Variants in CNTN5 observed in about 807,000 individuals in gnomAD.
CNTN5 encodes the protein contactin 5, also known as contactin-5.
Under a neutral mutation model 129.1 loss-of-function variants are expected in CNTN5, and 77 were observed. The observed-to-expected ratio is 0.60, with a 90% CI of 0.50 to 0.72. The LOEUF (loss-of-function observed/expected upper bound fraction) is 0.72, where lower values mean the gene tolerates loss of function less well. CNTN5 is among the 30% of genes least tolerant of loss of function. The pLI is 0.00. For synonymous variants in CNTN5, 509 were observed against 465.6 expected, an observed-to-expected ratio of 1.09 and a Z score of -1.20; for missense variants, 1,478 against 1,328.8, an observed-to-expected ratio of 1.11 and a Z score of -1.75.
chr11:99,507,270 G>A (rs868484362), intron 2 of CNTN5, among the ~76,000 whole-genome samples: 13 of 151,196 alleles, frequency 8.6e-5, no homozygotes, highest in South Asian at 4.2e-4. Flanking sequence ...CCAGCTACTC[G>A]GGAGGCTGAG....
At chr11:100,056,389 A>G (rs1054516627) in intron 9 of CNTN5, among the ~76,000 whole-genome samples, 1 of 151,622 alleles carries the variant, frequency 6.6e-6, no homozygotes, top group Admixed American at 6.6e-5. Flanking sequence ...ACCATTTGCC[A>G]TTTAGAGGAA....
intron 3 of CNTN5, among the ~76,000 whole-genome samples, chr11:99,809,680 TA>T (rs1278480669): frequency 1.3e-5 from 2 of 152,164 alleles, no homozygotes; most frequent in East Asian, 3.8e-4. Flanking sequence ...AACACATGTT[TA>T]TTTTTAATAT....
At chr11:100,240,499 A>G (rs1409486011) in intron 16 of CNTN5, among the ~76,000 whole-genome samples, 1 of 152,172 alleles carries the variant, frequency 6.6e-6, no homozygotes, top group Non-Finnish European at 1.5e-5. Flanking sequence ...TCCACTATAT[A>G]TCAGTCATTG....
At chr11:99,138,381 G>T (rs1032489265) in intron 1 of CNTN5, among the ~76,000 whole-genome samples, 2 of 152,116 alleles carry the variant, frequency 1.3e-5, no homozygotes, top group Admixed American at 1.3e-4. Context: ...TGATGTACAA[G>T]CATTTGGCAG....
chr11:100,280,016 C>T (rs990557015), intron 18 of CNTN5, among the ~76,000 whole-genome samples: 1 of 148,816 alleles, frequency 6.7e-6, no homozygotes, highest in Non-Finnish European at 1.5e-5. Context: ...ATTCCATTAT[C>T]ATTTGTTTCA....
intron 7 of CNTN5, among the ~76,000 whole-genome samples, chr11:99,925,915 A>G (rs953753485): frequency 2.0e-5 from 3 of 152,148 alleles, no homozygotes; most frequent in Admixed American, 6.5e-5. Flanking sequence ...GCTATATTGT[A>G]CCATCATATT....
chr11:99,453,552 G>A (rs1289861907), intron 2 of CNTN5, among the ~76,000 whole-genome samples: 1 of 152,096 alleles, frequency 6.6e-6, no homozygotes, highest in Non-Finnish European at 1.5e-5. Context: ...ATTTTAATAA[G>A]AGTAACCAAA....
intron 1 of CNTN5, among the ~76,000 whole-genome samples, chr11:99,177,286 T>C (rs2135554822): frequency 6.6e-6 from 1 of 152,302 alleles, no homozygotes; most frequent in East Asian, 1.9e-4. Flanking sequence ...ATGCTATTTA[T>C]TTATTTGTTT....
In CNTN5 at chr11:100,004,112, G is replaced by A. The variant is rs538665110; in HGVS notation, c.980+1976G>A. 6.6e-5 allele frequency: 10 copies of A among 152,260 alleles called. 1 individual carries two copies. The South Asian group carries it at 2.1e-3, about 31-fold the overall frequency. 9.4% of individuals were successfully genotyped at this position (152,260 alleles called of 1,614,324 possible). A position where few individuals can be genotyped will look rare whatever the true frequency, so the allele number is the denominator to read the frequency against. ...TCCGCGTGGCTCCCACAGCTCACTT[G>A]AGCTGCTTCTTACTTCAGCAAGCAC... is the stretch of plus-strand genomic sequence containing the variant. On this transcript the variant is annotated intron_variant, in intron 9 of 24. Coordinates refer to ENST00000524871, the MANE Select transcript of CNTN5 (RefSeq NM_014361.4).
chr11:99,866,038 T>C (rs1948346339), intron 6 of CNTN5, among the ~76,000 whole-genome samples: 1 of 152,200 alleles, frequency 6.6e-6, no homozygotes, highest in Non-Finnish European at 1.5e-5. Context: ...ATTCAGTAAT[T>C]TCACACATTA....
chr11:100,268,829 C>G (rs575987376), intron 17 of CNTN5, among the ~76,000 whole-genome samples: 1 of 152,070 alleles, frequency 6.6e-6, no homozygotes, highest in Non-Finnish European at 1.5e-5. Context: ...GAGTCCAGGA[C>G]GGCCCGAAGA....
At chr11:99,023,437 A>T (rs1591060465) in intron 1 of CNTN5, among the ~76,000 whole-genome samples, 1 of 152,328 alleles carries the variant, frequency 6.6e-6, no homozygotes, top group South Asian at 2.1e-4. Flanking sequence ...AATATGGACC[A>T]GAGGGTGCCA....
Position 99,262,046 on chromosome 11 carries a change from A to G in CNTN5, c.-209-63300A>G, listed in dbSNP as rs145273073. Among the ~76,000 whole-genome samples, 10 of 152,152 alleles carry G rather than the reference A, an allele frequency of 6.6e-5. No homozygotes were observed. In the East Asian group the frequency reaches 1.5e-3, roughly 24 times the overall value. ...CTAATGTGAACCATATGCTTAAACC[A>G]TACTGGTGATCATGTAGTCCCTGAG... On this transcript the variant is annotated intron_variant, in intron 1 of 24. Coordinates refer to ENST00000524871, the MANE Select transcript of CNTN5 (RefSeq NM_014361.4).
intron 3 of CNTN5, among the ~76,000 whole-genome samples, chr11:99,798,186 A>G (rs1435911773): frequency 6.6e-6 from 1 of 152,034 alleles, no homozygotes; most frequent in East Asian, 1.9e-4. Flanking sequence ...TTTGGATCCC[A>G]CTTACAAGTT....
intron 8 of CNTN5, among the ~76,000 whole-genome samples, chr11:99,960,623 A>G (rs1950917772): frequency 6.6e-6 from 1 of 152,204 alleles, no homozygotes; most frequent in African/African-American, 2.4e-5. Context: ...TAACATTAAT[A>G]AGAATGCAGT....
At chr11:99,680,618 G>A (rs1236729182) in intron 3 of CNTN5, among the ~76,000 whole-genome samples, 1 of 151,746 alleles carries the variant, frequency 6.6e-6, no homozygotes, top group East Asian at 2.0e-4. Flanking sequence ...AGATGCACAA[G>A]GTGATGAATT....
chr11:99,453,042 C>T (rs1362802839), intron 2 of CNTN5, among the ~76,000 whole-genome samples: 3 of 152,126 alleles, frequency 2.0e-5, no homozygotes, highest in African/African-American at 7.2e-5. Context: ...TGCTGTTAGT[C>T]ACTTTGTAAG....
chr11:99,259,706 G>A (rs557284724), intron 1 of CNTN5, among the ~76,000 whole-genome samples: 57 of 151,708 alleles, frequency 3.8e-4, no homozygotes, highest in Non-Finnish European at 6.3e-4. Flanking sequence ...GAAATTGAAA[G>A]GAGGTTTACA....
rs1023877702 is a variant in CNTN5 at position 99,253,894 on chromosome 11, C to T, written c.-209-71452C>T. ...ATGAAAATGTATTAACACAAATATA[C>T]GTTTATATATATATATATATATATA... On this transcript the variant is annotated intron_variant, in intron 1 of 24. Coordinates refer to ENST00000524871, the MANE Select transcript of CNTN5 (RefSeq NM_014361.4). Among the ~76,000 whole-genome samples the T allele has an allele frequency of 1.2e-4, 10 of 86,328 alleles. No homozygotes were observed. The East Asian group carries it at 1.5e-3, about 13-fold the overall frequency. 56.6% of individuals were successfully genotyped at this position (86,328 alleles called of 152,430 possible). A position where few individuals can be genotyped will look rare whatever the true frequency, so the allele number is the denominator to read the frequency against.
Sources: allele counts gnomAD v4.1 joint callset (sites outside exome capture counted in the v4.1 genomes callset), GRCh38; gene constraint gnomAD v4.1.1; transcripts MANE v1.5; gene names NCBI Gene and HGNC (gene_info 2026-07-23, HGNC 2026-07-21).